SCAPER: variants seen among roughly 807,000 people sequenced by gnomAD.
SCAPER encodes S-phase cyclin A associated protein in the ER, also known as S phase cyclin A-associated protein in the endoplasmic reticulum.
A neutral mutation model predicts 182.2 loss-of-function variants in SCAPER; 98 were observed. That is an observed-to-expected ratio of 0.54 (90% CI 0.46 to 0.64). The LOEUF (loss-of-function observed/expected upper bound fraction) is 0.64, where lower values mean the gene tolerates loss of function less well. Among genes scored for constraint, SCAPER ranks in the 30% least tolerant of loss-of-function variants. SCAPER has a pLI of 0.00. For synonymous variants in SCAPER, 605 were observed against 564.6 expected (o/e 1.07, Z -1.01); for missense variants, 1,432 against 1,690.0 (o/e 0.85, Z 2.68).
intron 24 of SCAPER, among the ~76,000 whole-genome samples, chr15:76,494,540 AATG>A (rs1262424183): frequency 2.6e-5 from 4 of 152,166 alleles, no homozygotes; most frequent in South Asian, 4.1e-4. Flanking sequence ...ATATCAATGA[AATG>A]ATATTTTACT....
intron 24 of SCAPER, among the ~76,000 whole-genome samples, chr15:76,489,021 C>A (rs2051998892): frequency 6.6e-6 from 1 of 150,872 alleles, no homozygotes; most frequent in South Asian, 2.1e-4. Flanking sequence ...CTGCGCCCAG[C>A]CATCTTGCCT....
At chr15:76,517,407 T>C (rs1219235645) in intron 23 of SCAPER, among the ~76,000 whole-genome samples, 1 of 150,948 alleles carries the variant, frequency 6.6e-6, no homozygotes, top group Non-Finnish European at 1.5e-5. Flanking sequence ...TGGAGTGCAG[T>C]GGTGTGATCT....
chr15:76,791,765 GA>G (rs554127648), intron 8 of SCAPER, among the ~76,000 whole-genome samples: 53 of 152,110 alleles, frequency 3.5e-4, no homozygotes, highest in African/African-American at 1.3e-3. Flanking sequence ...TAGTGCTGAG[GA>G]AAAAATTTTA....
chr15:76,764,814 T>C, intron 14 of SCAPER, 147 bp downstream of exon 14: 1 of 556,502 alleles, frequency 1.8e-6, no homozygotes, highest in Non-Finnish European at 3.1e-6. Context: ...GTTAACCTTC[T>C]TGGATTCAAT....
intron 23 of SCAPER, among the ~76,000 whole-genome samples, chr15:76,505,461 A>G (rs2041489975): frequency 6.6e-6 from 1 of 152,240 alleles, no homozygotes; most frequent in South Asian, 2.1e-4. Flanking sequence ...TCTCAAGAGA[A>G]GACATACAGA....
chr15:76,667,569 G>A (rs906665511), intron 20 of SCAPER, among the ~76,000 whole-genome samples: 1 of 146,628 alleles, frequency 6.8e-6, no homozygotes, highest in East Asian at 2.0e-4. Flanking sequence ...AGGTTGCAGT[G>A]AGCCGAGATG....
intron 5 of SCAPER, among the ~76,000 whole-genome samples, chr15:76,810,196 A>C (rs973739864): frequency 1.3e-5 from 2 of 152,164 alleles, no homozygotes; most frequent in Non-Finnish European, 2.9e-5. Flanking sequence ...TATAAAGAAT[A>C]AAAGAACATT....
chr15:76,831,603 C>T (rs773395393), intron 5 of SCAPER, among the ~76,000 whole-genome samples: 6 of 151,334 alleles, frequency 4.0e-5, no homozygotes, highest in East Asian at 2.0e-4. Context: ...CCTACTGGTG[C>T]GCAATCACCT....
chr15:76,619,951 C>CAA (rs2051867283), intron 22 of SCAPER, among the ~76,000 whole-genome samples: 1 of 152,108 alleles, frequency 6.6e-6, no homozygotes, highest in Non-Finnish European at 1.5e-5. Flanking sequence ...TGGCACTTAC[C>CAA]TGTAGTCCCA....
intron 1 of SCAPER, among the ~76,000 whole-genome samples, chr15:76,899,092 A>G (rs2074597980): frequency 6.6e-6 from 1 of 152,264 alleles, no homozygotes; most frequent in African/African-American, 2.4e-5. Flanking sequence ...ACTCAAATAA[A>G]AATCTGTAAC....
chr15:76,673,311 G>T (rs925276283), intron 20 of SCAPER, among the ~76,000 whole-genome samples: 2 of 152,000 alleles, frequency 1.3e-5, no homozygotes, highest in African/African-American at 4.8e-5. Flanking sequence ...CTAAACTAGG[G>T]ATAAAAGCTA....
intron 17 of SCAPER, among the ~76,000 whole-genome samples, chr15:76,715,557 T>C (rs1459808866): frequency 1.3e-5 from 2 of 152,064 alleles, no homozygotes; most frequent in Non-Finnish European, 2.9e-5. Flanking sequence ...TACAGCTGTA[T>C]CTTGCCATTC....
intron 22 of SCAPER, among the ~76,000 whole-genome samples, chr15:76,600,741 C>T (rs540877890): frequency 8.3e-6 from 1 of 120,176 alleles, no homozygotes; most frequent in Non-Finnish European, 2.0e-5. Flanking sequence ...TGAGCCACTG[C>T]GCCCCACCCA....
chr15:76,802,814 G>C (rs1302237634), intron 6 of SCAPER, among the ~76,000 whole-genome samples: 1 of 152,154 alleles, frequency 6.6e-6, no homozygotes, highest in African/African-American at 2.4e-5. Flanking sequence ...GGAGGCGGGG[G>C]GAAGCAGCCT....
intron 28 of SCAPER, 66 bp from the exon 29 acceptor site, chr15:76,376,377 G>A: frequency 6.7e-7 from 1 of 1,494,616 alleles, no homozygotes; most frequent in East Asian, 2.4e-5. Flanking sequence ...AAATCACAAA[G>A]CAAGACTGGC....
chr15:76,701,708 C>G (rs371177455), intron 20 of SCAPER, 50 bp downstream of exon 20: 1 of 1,353,712 alleles, frequency 7.4e-7, no homozygotes, highest in South Asian at 1.2e-5. Context: ...TAAAACAGCA[C>G]ATATTGGGTA....
chr15:76,679,775 T>C (rs1445932645), intron 20 of SCAPER, among the ~76,000 whole-genome samples: 1 of 152,212 alleles, frequency 6.6e-6, no homozygotes, highest in East Asian at 1.9e-4. Flanking sequence ...GTGGCAATGA[T>C]GAATGAGGTA....
chr15:76,848,839 C>T (rs1016592316), intron 4 of SCAPER, among the ~76,000 whole-genome samples: 3 of 152,046 alleles, frequency 2.0e-5, no homozygotes, highest in African/African-American at 7.2e-5. Context: ...AGCCCCTCCT[C>T]CCTAGGAACC....
intron 20 of SCAPER, among the ~76,000 whole-genome samples, chr15:76,694,673 A>G (rs944765551): frequency 6.6e-6 from 1 of 152,166 alleles, no homozygotes; most frequent in Non-Finnish European, 1.5e-5. Flanking sequence ...CCTTTAAGGA[A>G]GAGACAATTT....
Sources: gnomAD v4.1 joint callset for allele counts (sites outside exome capture counted in the v4.1 genomes callset) on GRCh38, gnomAD v4.1.1 for gene constraint, MANE v1.5 for transcripts, NCBI Gene and HGNC (gene_info 2026-07-23, HGNC 2026-07-21) for gene names.